PGAP2: variants seen among roughly 807,000 people sequenced by gnomAD.
The protein encoded by PGAP2 is acyltransferase PGAP2.
A neutral mutation model predicts 33.2 loss-of-function variants in PGAP2; 21 were observed. The ratio of observed to expected loss-of-function variants is 0.63; its 90% CI spans 0.45 to 0.91. The LOEUF (loss-of-function observed/expected upper bound fraction) is 0.91. Ranked by LOEUF, PGAP2 falls within the 40% of genes least tolerant of loss-of-function variation. The probability of loss-of-function intolerance (pLI) is 0.00; values close to 1 mark genes in which losing one functional copy is unlikely to be tolerated. For missense variants in PGAP2, 345 were observed against 424.0 expected (o/e 0.81, Z 1.64); for synonymous variants, 161 against 172.9 (o/e 0.93, Z 0.54).
Position 3,823,938 on chromosome 11 carries a change from G to A in PGAP2, c.404G>A (p.Arg135His), listed in dbSNP as rs142043517. ...SSAIGGEVPQRYVWRFCIGLH... is the reference protein window; with the variant it reads ...SSAIGGEVPQHYVWRFCIGLH... ...GCCATCGGCGGGGAGGTGCCCCAGC[G>A]CTACGTGTGGCGTTTCTGCATCGGC... Residue 135 changes from arginine (R) to histidine (H), a missense_variant, in exon 4 of 7, where the codon CGC becomes CAC. Physicochemically the swap from Arg to His is conservative, Grantham distance 29 (BLOSUM62 0). Around this residue, in one of 2 missense-constraint regions of PGAP2, gnomAD observed 311 missense variants for 353.6 expected, o/e 0.88. Coordinates refer to ENST00000278243, the MANE Select transcript of PGAP2 (RefSeq NM_014489.4). 7.5e-6 allele frequency: 12 copies of A among 1,604,790 alleles called. No individual in the cohort carries two copies. Among genetic ancestry groups the A allele is most frequent in the African/African-American group, 4.0e-5 (3 of 74,842 alleles).
Position 3,824,678 on chromosome 11 carries a change from C to T in PGAP2, c.708+302C>T, listed in dbSNP as rs2089675608. 5 of 775,582 alleles carry T rather than the reference C, an allele frequency of 6.4e-6. No individual in the cohort carries two copies. The South Asian group carries it at 9.5e-5, about 15-fold the overall frequency. The allele number at this position is 775,582 out of a possible 1,614,324, so 48.0% of individuals were successfully genotyped here. A position where few individuals can be genotyped will look rare whatever the true frequency, so the allele number is the denominator to read the frequency against. On this transcript the variant is annotated intron_variant, in intron 5 of 6. Transcript: ENST00000278243. ...GTGAGTTAGGAACAGTGTCAGAGGA[C>T]TGGTCTGTCATAATTCCAGCGCCCC... is the stretch of plus-strand genomic sequence containing the variant.
At chr11:3,823,684 G>A (rs561715969) in intron 3 of PGAP2, 199 bp from the exon 4 acceptor site, 7 of 1,573,680 alleles carry the variant, frequency 4.4e-6, no homozygotes, top group Middle Eastern at 1.7e-4. Context: ...GATAGCTGGG[G>A]AATGAGAATC....
chr11:3,800,179 G>T (rs534846073), intron 1 of PGAP2, among the ~76,000 whole-genome samples: 3 of 152,262 alleles, frequency 2.0e-5, no homozygotes, highest in East Asian at 3.9e-4. Flanking sequence ...ACACTCCCTT[G>T]CCTTTGCTGG....
chr11:3,798,634 A>AC (rs1172054010), intron 1 of PGAP2, among the ~76,000 whole-genome samples: 1 of 75,764 alleles, frequency 1.3e-5, no homozygotes, highest in Non-Finnish European at 2.3e-5. Flanking sequence ...CCCATGAACT[A>AC]ATTTTTTTTT....
At chr11:3,799,778 G>A (rs755316921) in intron 1 of PGAP2, among the ~76,000 whole-genome samples, 28 of 152,150 alleles carry the variant, frequency 1.8e-4, no homozygotes, top group African/African-American at 5.8e-4. Flanking sequence ...AGACCAGCTC[G>A]GGCAACATAG....
chr11:3,798,632 CTAATT>C (rs1325089825), intron 1 of PGAP2, among the ~76,000 whole-genome samples: 1 of 71,696 alleles, frequency 1.4e-5, no homozygotes, highest in Non-Finnish European at 2.6e-5. Flanking sequence ...CGCCCATGAA[CTAATT>C]TTTTTTTTTT....
Position 3,817,363 on chromosome 11 carries a change from G to A in PGAP2, c.176G>A (p.Cys59Tyr). Residue 59 changes from cysteine (C) to tyrosine (Y), a missense_variant, in exon 3 of 7, where the codon TGC becomes TAC. This residue lies in a region of PGAP2 where 311 missense variants were observed against 353.6 expected (regional missense o/e 0.88). Transcript: ENST00000278243. ...CCTCGTGCTGCTTAGGCCACGCCCTGCAGGATGTTCTCTGCGGCCTCCCAG... is the reference window on the plus strand; with the variant it reads ...CCTCGTGCTGCTTAGGCCACGCCCTACAGGATGTTCTCTGCGGCCTCCCAG... ...TTATHCGATP[C>Y]RMFSAASQPL... 1.2e-6 allele frequency: 2 copies of A among 1,613,096 alleles called. No individual in the cohort carries two copies. The highest frequency in any genetic ancestry group is 2.2e-5 in the East Asian group (1 of 44,878).
At chr11:3,817,328 A>C in intron 2 of PGAP2, 25 bp from the exon 3 acceptor site, 1 of 1,589,362 alleles carries the variant, frequency 6.3e-7, no homozygotes, top group Non-Finnish European at 8.6e-7. Context: ...ACCAGGCCCC[A>C]AGTTGTATCC....
chr11:3,806,240 C>G (rs1322254926), upstream of PGAP2, among the ~76,000 whole-genome samples: 2 of 151,548 alleles, frequency 1.3e-5, no homozygotes, highest in East Asian at 3.9e-4. Flanking sequence ...GGAGCAGACA[C>G]CCCTGGTTGG....
chr11:3,825,429 A>G lies in PGAP2; in HGVS notation c.919A>G (p.Thr307Ala). 6.2e-7 allele frequency: 1 copy of G among 1,613,616 alleles called. No homozygotes were observed. The highest frequency in any genetic ancestry group is 8.5e-7 in the Non-Finnish European group (1 of 1,179,950). The change falls in exon 7 of 7, where the codon ACC (threonine) becomes GCC (alanine). Residue 307 changes from threonine (T) to alanine (A), a missense_variant. By Grantham distance (58) the Thr-to-Ala change is moderately conservative (BLOSUM62 0). Transcript: ENST00000278243. The stretch of plus-strand genomic sequence containing the variant: ...CTTCGGGAACAAGGAGCTGCTCATA[A>G]CCTCTCAGCCTGAGGAAAAGCGATT... ...WDFGNKELLITSQPEEKRF is the reference protein window; with the variant it reads ...WDFGNKELLIASQPEEKRF
chr11:3,811,218 G>A lies in PGAP2; in HGVS notation c.-10-32G>A. The A allele has an allele frequency of 1.2e-5, 19 of 1,589,714 alleles. No individual in the cohort carries two copies. Among genetic ancestry groups the A allele is most frequent in the Non-Finnish European group, 1.5e-5 (18 of 1,166,082 alleles). On this transcript the variant is annotated intron_variant, in intron 1 of 6. Transcript: ENST00000278243. The surrounding 1 kb of genome is among the most constrained non-coding windows in gnomAD (Gnocchi z 4.6). ...TCACTGAGTGCCAGCCTGGCTGCCT[G>A]GGGCCCTGACAGCATGCCACTCCAT...
rs553384856 is a variant in PGAP2 at position 3,825,484 on chromosome 11, G to A, written c.*26G>A. 20 of 1,604,796 alleles carry A rather than the reference G, an allele frequency of 1.2e-5. No homozygotes were observed. The African/African-American group carries it at 1.6e-4, about 13-fold the overall frequency. On this transcript the variant is annotated 3_prime_UTR_variant, in exon 7 of 7. Coordinates refer to ENST00000278243, the MANE Select transcript of PGAP2 (RefSeq NM_014489.4). ...ACCCTTCAGTCCTGCTTGGGAGGACGCAGCCCACTGCCCAGAAACAAGAAA... is the reference window on the plus strand; with the variant it reads ...ACCCTTCAGTCCTGCTTGGGAGGACACAGCCCACTGCCCAGAAACAAGAAA...
Position 3,824,382 on chromosome 11 carries a change from G to A in PGAP2, c.708+6G>A, listed in dbSNP as rs2089595519. 8 of 1,614,106 alleles carry A rather than the reference G, an allele frequency of 5.0e-6. No homozygotes were observed. The East Asian group carries it at 1.6e-4, about 31-fold the overall frequency. ...AGCACACAGTAAGTCAGGAGGTACGGTCTATCCCTAGCGGGGGCTCCAAGG... is the reference window on the plus strand; with the variant it reads ...AGCACACAGTAAGTCAGGAGGTACGATCTATCCCTAGCGGGGGCTCCAAGG... On this transcript the variant is annotated splice_donor_region_variant and intron_variant, in intron 5 of 6. Transcript: ENST00000278243.
chr11:3,824,993 A>T, intron 5 of PGAP2, 27 bp from the exon 6 acceptor site: 1 of 1,613,924 alleles, frequency 6.2e-7, no homozygotes, highest in Non-Finnish European at 8.5e-7. Context: ...AGCAAGCTGC[A>T]GAGTGATCAG....
Position 3,801,009 on chromosome 11 carries a change from C to T in PGAP2, c.139+3027C>T, listed in dbSNP as rs544085924. Among the ~76,000 whole-genome samples, 3 of 151,526 alleles carry T rather than the reference C, an allele frequency of 2.0e-5. No homozygotes were observed. In the South Asian group the frequency reaches 6.3e-4, roughly 32 times the overall value. ...ATTAGCCGGGTGTGGTGGCTCATGC[C>T]TGTAATCCCAGCTACTTGGGAGGCT... On this transcript the variant is annotated intron_variant, in intron 1 of 6. Transcript: ENST00000300730.
At chr11:3,807,932 G>A, upstream of PGAP2, 1 of 594,236 alleles carries the variant, frequency 1.7e-6, no homozygotes, top group Non-Finnish European at 2.3e-6. Context: ...CTGGTTTTGG[G>A]GGATCAATCC....
chr11:3,817,868 A>G (rs987342056), intron 3 of PGAP2: 1 of 495,612 alleles, frequency 2.0e-6, no homozygotes, highest in Admixed American at 2.3e-5. Context: ...ACATGGTGAA[A>G]CCCCGTCTGT....
At chr11:3,819,697 T>A (rs981296150) in intron 3 of PGAP2, among the ~76,000 whole-genome samples, 2 of 152,072 alleles carry the variant, frequency 1.3e-5, no homozygotes, top group African/African-American at 2.4e-5. Flanking sequence ...TCTGGGCACA[T>A]GGGGAAGTTT....
At chr11:3,804,612 A>G (rs187085259), upstream of PGAP2, among the ~76,000 whole-genome samples, 15 of 152,276 alleles carry the variant, frequency 9.9e-5, no homozygotes, top group African/African-American at 3.6e-4. Context: ...CTGTCTAAAT[A>G]CTGCCCATTC....
Sources: gnomAD v4.1 joint callset for allele counts (sites outside exome capture counted in the v4.1 genomes callset) on GRCh38, gnomAD v4.1.1 for gene constraint, gnomAD v4.1.1 regional missense constraint, Gnocchi (gnomAD v3.1) non-coding constraint, MANE v1.5 for transcripts, NCBI Gene and HGNC (gene_info 2026-07-23, HGNC 2026-07-21) for gene names.